The following VIPR2 variants were observed in gnomAD, a reference collection of about 807,000 sequenced individuals.
VIPR2 encodes the protein vasoactive intestinal polypeptide receptor 2.
In VIPR2, 48 loss-of-function variants were observed where a neutral mutation model predicts 58.0. The ratio of observed to expected loss-of-function variants is 0.83; its 90% CI spans 0.66 to 1.05. VIPR2 has a LOEUF of 1.05. Ranked by LOEUF, VIPR2 falls within the 50% of genes least tolerant of loss-of-function variation. The pLI, the probability that VIPR2 is intolerant of heterozygous loss-of-function variation, is 0.00. For missense variants in VIPR2, 534 were observed against 558.0 expected, an observed-to-expected ratio of 0.96 and a Z score of 0.43; for synonymous variants, 243 against 235.2, an observed-to-expected ratio of 1.03 and a Z score of -0.30.
chr7:159,117,522 CAGAT>C, intron 2 of VIPR2: 1 of 668,982 alleles, frequency 1.5e-6, no homozygotes, highest in African/African-American at 1.8e-5. Flanking sequence ...GTCATGGACA[CAGAT>C]GGGTGCAACT....
At chr7:159,067,405 A>T (rs1056728310) in intron 4 of VIPR2, among the ~76,000 whole-genome samples, 1 of 152,234 alleles carries the variant, frequency 6.6e-6, no homozygotes, top group Non-Finnish European at 1.5e-5. Flanking sequence ...CTTATAAAGC[A>T]TGATCTATTT....
intron 2 of VIPR2, among the ~76,000 whole-genome samples, chr7:159,113,966 G>A (rs1020377230): frequency 1.3e-5 from 2 of 152,294 alleles, no homozygotes; most frequent in East Asian, 1.9e-4. Flanking sequence ...TGGGGATGAC[G>A]AGGGGCCGGA....
At chr7:159,041,030 G>T (rs921123756) in intron 6 of VIPR2, among the ~76,000 whole-genome samples, 29 of 152,240 alleles carry the variant, frequency 1.9e-4, no homozygotes, top group African/African-American at 6.5e-4. Context: ...GCTCTGTGCT[G>T]CTGGGCATCG....
chr7:159,125,564 A>G (rs1450327623), intron 2 of VIPR2, among the ~76,000 whole-genome samples: 1 of 152,116 alleles, frequency 6.6e-6, no homozygotes, highest in Non-Finnish European at 1.5e-5. Flanking sequence ...TCACCAGAAA[A>G]TTCTCCGGTA....
intron 3 of VIPR2, among the ~76,000 whole-genome samples, chr7:159,106,380 GCAGAGAGATCAGGGAGGTA>G (rs1408386402): frequency 6.6e-6 from 1 of 152,254 alleles, no homozygotes; most frequent in Non-Finnish European, 1.5e-5. Flanking sequence ...GTGGCAACCT[GCAGAGAGATCAGGGAGGTA>G]CAGAGAGACC....
chr7:159,105,979 T>A (rs190470529), intron 3 of VIPR2, among the ~76,000 whole-genome samples: 1 of 152,316 alleles, frequency 6.6e-6, no homozygotes, highest in East Asian at 1.9e-4. Context: ...AGGAGGCAGC[T>A]CTCCAATTAA....
intron 2 of VIPR2, among the ~76,000 whole-genome samples, chr7:159,110,773 T>C (rs774428030): frequency 2.0e-5 from 3 of 152,190 alleles, no homozygotes; most frequent in African/African-American, 7.2e-5. Flanking sequence ...TGTGCAATAA[T>C]TGCAGGAATA....
intron 4 of VIPR2, among the ~76,000 whole-genome samples, chr7:159,062,264 A>G (rs1563286157): frequency 6.6e-6 from 1 of 152,174 alleles, no homozygotes; most frequent in Non-Finnish European, 1.5e-5. Context: ...GAGCAGCGCC[A>G]GCCTCGGGCT....
chr7:159,123,061 G>A (rs776577629), intron 2 of VIPR2, among the ~76,000 whole-genome samples: 71 of 152,168 alleles, frequency 4.7e-4, no homozygotes, highest in African/African-American at 1.7e-3. Context: ...TTGGGAGGCC[G>A]AGGCGGGCAG....
chr7:159,119,575 C>CT (rs1796376249), intron 2 of VIPR2, among the ~76,000 whole-genome samples: 1 of 152,240 alleles, frequency 6.6e-6, no homozygotes, highest in African/African-American at 2.4e-5. Flanking sequence ...CCCCAACGCT[C>CT]TGACATGGGA....
At chr7:159,061,514 G>GT (rs1249557738) in intron 4 of VIPR2, among the ~76,000 whole-genome samples, 1 of 151,882 alleles carries the variant, frequency 6.6e-6, no homozygotes, top group Non-Finnish European at 1.5e-5. Context: ...TTAGCCGGGT[G>GT]TGGCTGTGTG....
chr7:159,054,385 G>A (rs1469401120), intron 5 of VIPR2, among the ~76,000 whole-genome samples: 3 of 152,150 alleles, frequency 2.0e-5, no homozygotes, highest in African/African-American at 7.2e-5. Flanking sequence ...CAAAGACCAC[G>A]AAGAGAGCTT....
chr7:159,119,563 A>C (rs1796375258), intron 2 of VIPR2, among the ~76,000 whole-genome samples: 3 of 152,218 alleles, frequency 2.0e-5, no homozygotes, highest in Admixed American at 6.5e-5. Flanking sequence ...CCTAGGGCAC[A>C]ACCCCAACGC....
Position 159,058,598 on chromosome 7 carries a change from A to G in VIPR2, c.358-20T>C, listed in dbSNP as rs370155449. 3 of 1,555,728 alleles carry G rather than the reference A, an allele frequency of 1.9e-6. No homozygotes were observed. Among genetic ancestry groups the G allele is most frequent in the Non-Finnish European group, 2.7e-6 (3 of 1,127,488 alleles). ...CGTGATCTACAAAGAAAGAAAACAGATCTGTAAGCTGAGGGTGACCAGCAA... is the reference window on the plus strand; with the variant it reads ...CGTGATCTACAAAGAAAGAAAACAGGTCTGTAAGCTGAGGGTGACCAGCAA... On this transcript the variant is annotated intron_variant, in intron 4 of 12. Coordinates refer to ENST00000262178, the MANE Select transcript of VIPR2 (RefSeq NM_003382.5).
intron 4 of VIPR2, among the ~76,000 whole-genome samples, chr7:159,101,688 C>G (rs1419249000): frequency 1.4e-5 from 2 of 141,632 alleles, no homozygotes. Flanking sequence ...ACGGGTCTCA[C>G]GAGATCCGAC....
chr7:159,116,992 AAG>A, intron 2 of VIPR2: 1 of 284,762 alleles, frequency 3.5e-6, no homozygotes, highest in East Asian at 7.2e-5. Context: ...ATTAAATTTC[AAG>A]AGACTCTTAC....
chr7:159,034,806 G>C (rs901336562), intron 8 of VIPR2, among the ~76,000 whole-genome samples, 156 bp from the exon 9 acceptor site: 4 of 152,180 alleles, frequency 2.6e-5, no homozygotes, highest in African/African-American at 9.7e-5. Flanking sequence ...CTGTCCCAGG[G>C]AGTGATTGTG....
intron 4 of VIPR2, among the ~76,000 whole-genome samples, chr7:159,086,821 G>A (rs1211418584): frequency 2.6e-5 from 4 of 152,250 alleles, no homozygotes; most frequent in Non-Finnish European, 5.9e-5. Context: ...TGATACCCAT[G>A]TAATAAACAT....
At chr7:159,094,761 C>T (rs973007406) in intron 4 of VIPR2, among the ~76,000 whole-genome samples, 1 of 152,172 alleles carries the variant, frequency 6.6e-6, no homozygotes, top group Non-Finnish European at 1.5e-5. Flanking sequence ...CCACGTGTTT[C>T]CTTTATGGTA....
Sources: allele counts gnomAD v4.1 joint callset (sites outside exome capture counted in the v4.1 genomes callset), GRCh38; gene constraint gnomAD v4.1.1; transcripts MANE v1.5; gene names NCBI Gene and HGNC (gene_info 2026-07-23, HGNC 2026-07-21).